SNTB1: variants seen among roughly 807,000 people sequenced by gnomAD.
SNTB1 encodes syntrophin beta 1, also known as beta-1-syntrophin.
SNTB1 carries 36 observed loss-of-function variants against 48.9 expected under a neutral mutation model. That is an observed-to-expected ratio of 0.74 (90% confidence interval 0.56 to 0.97). The LOEUF is 0.97. Ranked by LOEUF, SNTB1 falls within the 50% of genes least tolerant of loss-of-function variation. SNTB1 has a pLI of 0.00. For missense variants in SNTB1, 786 were observed against 703.4 expected, an observed-to-expected ratio of 1.12 and a Z score of -1.33; for synonymous variants, 299 against 294.6, an observed-to-expected ratio of 1.01 and a Z score of -0.15.
intron 2 of SNTB1, among the ~76,000 whole-genome samples, chr8:120,633,006 A>G (rs1329849168): frequency 6.6e-6 from 1 of 152,234 alleles, no homozygotes; most frequent in African/African-American, 2.4e-5. Context: ...CTTAATTCAC[A>G]GAGGATTTTA....
At chr8:120,645,630 T>G (rs1470254616) in intron 2 of SNTB1, among the ~76,000 whole-genome samples, 3 of 134,588 alleles carry the variant, frequency 2.2e-5, no homozygotes, top group Non-Finnish European at 3.2e-5. Context: ...TGGCTTAGGA[T>G]TGACTTGGCA....
intron 1 of SNTB1, among the ~76,000 whole-genome samples, chr8:120,781,597 G>A (rs1819830754): frequency 6.6e-6 from 1 of 152,212 alleles, no homozygotes; most frequent in Admixed American, 6.5e-5. Flanking sequence ...AGGCCATGGA[G>A]CATAGAGTCA....
chr8:120,586,282 T>G (rs562685545), intron 3 of SNTB1, among the ~76,000 whole-genome samples: 1 of 152,346 alleles, frequency 6.6e-6, no homozygotes, highest in East Asian at 1.9e-4. Context: ...ATTTAAAAGC[T>G]AGTGTATTCG....
intron 1 of SNTB1, among the ~76,000 whole-genome samples, chr8:120,737,793 A>C (rs1818974426): frequency 6.6e-6 from 1 of 152,116 alleles, no homozygotes; most frequent in African/African-American, 2.4e-5. Flanking sequence ...AATTGTCATA[A>C]TGTATAATCC....
chr8:120,576,642 G>GT (rs1182720929), intron 3 of SNTB1, among the ~76,000 whole-genome samples: 19 of 152,148 alleles, frequency 1.2e-4, no homozygotes, highest in Non-Finnish European at 2.5e-4. Flanking sequence ...TACAACAGTG[G>GT]TTTTGAGTGC....
At chr8:120,706,075 C>A (rs1818372481) in intron 1 of SNTB1, among the ~76,000 whole-genome samples, 1 of 151,914 alleles carries the variant, frequency 6.6e-6, no homozygotes, top group African/African-American at 2.4e-5. Context: ...TAAATAATTT[C>A]AAAAAATGTA....
At chr8:120,680,516 T>C (rs1817913577) in intron 2 of SNTB1, among the ~76,000 whole-genome samples, 1 of 152,192 alleles carries the variant, frequency 6.6e-6, no homozygotes. Context: ...TTTAAGTGTA[T>C]CTGCAGTGCT....
intron 4 of SNTB1, among the ~76,000 whole-genome samples, chr8:120,557,396 G>A (rs56226488): frequency 0.18 from 27,221 of 152,198 alleles, 3,073 homozygotes; most frequent in Non-Finnish European, 0.25. Flanking sequence ...GATGAAGTAA[G>A]TGCCCTTCCA....
chr8:120,731,278 A>C lies in SNTB1; in HGVS notation c.572-37370T>G, dbSNP rs114726261. Among the ~76,000 whole-genome samples the C allele has an allele frequency of 8.7e-3, 1,331 of 152,344 alleles. 13 individuals are homozygous for C. The highest frequency in any genetic ancestry group is 0.031 in the African/African-American group (1,291 of 41,580). ...CTTGCTCAAGAGGAAAGAAAAGAAA[A>C]AGAATTCTTAGCTCTCTTGTTTTTT... On this transcript the variant is annotated intron_variant, in intron 1 of 6. Transcript: ENST00000517992.
intron 3 of SNTB1, among the ~76,000 whole-genome samples, chr8:120,603,691 A>G (rs1489710463): frequency 6.6e-6 from 1 of 152,182 alleles, no homozygotes; most frequent in African/African-American, 2.4e-5. Context: ...CACTGTGCCC[A>G]TATGCTTTCA....
chr8:120,547,688 G>T (rs1354874420), intron 5 of SNTB1, among the ~76,000 whole-genome samples: 1 of 150,456 alleles, frequency 6.6e-6, no homozygotes, highest in Non-Finnish European at 1.5e-5. Context: ...AATACATACT[G>T]TACTATAGAA....
chr8:120,748,786 T>C (rs1263480096), intron 1 of SNTB1, among the ~76,000 whole-genome samples: 2 of 152,204 alleles, frequency 1.3e-5, no homozygotes, highest in East Asian at 1.9e-4. Context: ...TCATTAAACA[T>C]GGCATAGTAA....
chr8:120,736,315 T>C (rs1818943684), intron 1 of SNTB1, among the ~76,000 whole-genome samples: 1 of 152,092 alleles, frequency 6.6e-6, no homozygotes, highest in African/African-American at 2.4e-5. Flanking sequence ...CCTCAACTGG[T>C]GAATCATGGA....
intron 1 of SNTB1, among the ~76,000 whole-genome samples, chr8:120,809,598 C>A (rs1820392948): frequency 6.6e-6 from 1 of 151,870 alleles, no homozygotes; most frequent in South Asian, 2.1e-4. Context: ...ATAAAATGAC[C>A]CGCCTTCCGC....
intron 4 of SNTB1, among the ~76,000 whole-genome samples, chr8:120,561,110 T>G (rs1815647223): frequency 6.6e-6 from 1 of 151,778 alleles, no homozygotes; most frequent in Non-Finnish European, 1.5e-5. Context: ...AATGGATCAC[T>G]TGAGGTCAGG....
At chr8:120,719,478 C>A (rs991312312) in intron 1 of SNTB1, among the ~76,000 whole-genome samples, 2 of 152,112 alleles carry the variant, frequency 1.3e-5, no homozygotes, top group Non-Finnish European at 2.9e-5. Context: ...TCTATTCAGG[C>A]ACACTCCTAG....
At chr8:120,671,188 C>A (rs1350664318) in intron 2 of SNTB1, among the ~76,000 whole-genome samples, 2 of 152,134 alleles carry the variant, frequency 1.3e-5, no homozygotes, top group African/African-American at 2.4e-5. Context: ...TTACCCCCAT[C>A]TCCCTATATA....
chr8:120,750,905 A>G (rs752382963), intron 1 of SNTB1, among the ~76,000 whole-genome samples: 11 of 151,394 alleles, frequency 7.3e-5, no homozygotes, highest in Non-Finnish European at 1.5e-4. Flanking sequence ...CCCTTCCCCA[A>G]GCTACCCCCC....
At chr8:120,705,451 G>GT (rs1234299602) in intron 1 of SNTB1, among the ~76,000 whole-genome samples, 1 of 152,178 alleles carries the variant, frequency 6.6e-6, no homozygotes, top group Non-Finnish European at 1.5e-5. Flanking sequence ...TTCACTTTGT[G>GT]TATGTCTGCA....
Sources: gnomAD v4.1 joint callset for allele counts (sites outside exome capture counted in the v4.1 genomes callset) on GRCh38, gnomAD v4.1.1 for gene constraint, MANE v1.5 for transcripts, NCBI Gene and HGNC (gene_info 2026-07-23, HGNC 2026-07-21) for gene names.